OLFM2: variants seen among roughly 807,000 people sequenced by gnomAD.
The protein encoded by OLFM2 is noelin-2.
OLFM2 carries 20 observed loss-of-function variants against 43.9 expected under a neutral mutation model. The observed-to-expected ratio is 0.46, with a 90% confidence interval of 0.32 to 0.66. The LOEUF is 0.66. OLFM2 is among the 30% of genes least tolerant of loss of function. OLFM2 has a pLI of 0.04. For synonymous variants in OLFM2, 268 were observed against 278.6 expected, an observed-to-expected ratio of 0.96 and a Z score of 0.38; for missense variants, 416 against 643.6, an observed-to-expected ratio of 0.65 and a Z score of 3.83.
At chr19:9,926,670 G>A (rs1352415115) in intron 1 of OLFM2, among the ~76,000 whole-genome samples, 1 of 151,550 alleles carries the variant, frequency 6.6e-6, no homozygotes, top group African/African-American at 2.4e-5. Flanking sequence ...TCTTCTATGA[G>A]TCACTATTAC....
chr19:9,887,790 C>T (rs2145461685), intron 1 of OLFM2, among the ~76,000 whole-genome samples: 1 of 152,174 alleles, frequency 6.6e-6, no homozygotes, highest in Non-Finnish European at 1.5e-5. Context: ...CCTGTAATCC[C>T]AGTATTTTGA....
chr19:9,867,393 C>CA (rs533568978), intron 1 of OLFM2, among the ~76,000 whole-genome samples: 138 of 150,916 alleles, frequency 9.1e-4, no homozygotes, highest in Non-Finnish European at 1.5e-3. Context: ...ATAACAACAA[C>CA]AAAAAAAAAC....
At chr19:9,887,392 T>A (rs2046597125) in intron 1 of OLFM2, among the ~76,000 whole-genome samples, 1 of 152,090 alleles carries the variant, frequency 6.6e-6, no homozygotes, top group Admixed American at 6.5e-5. Flanking sequence ...TTGGCCAGGC[T>A]GGTCTCAAAC....
At chr19:9,889,437 A>G (rs1239253427) in intron 1 of OLFM2, among the ~76,000 whole-genome samples, 1 of 151,810 alleles carries the variant, frequency 6.6e-6, no homozygotes, top group Non-Finnish European at 1.5e-5. Flanking sequence ...TTTTGTAGAG[A>G]TAGGGTCTCA....
intron 1 of OLFM2, among the ~76,000 whole-genome samples, chr19:9,877,473 C>T (rs768883340): frequency 3.2e-4 from 48 of 151,684 alleles, no homozygotes; most frequent in Non-Finnish European, 6.0e-4. Context: ...GCGGAGGTTG[C>T]GGTGAGCCAA....
chr19:9,913,598 T>G, intron 1 of OLFM2: 1 of 1,305,002 alleles, frequency 7.7e-7, no homozygotes, highest in Non-Finnish European at 9.9e-7. Context: ...GGCCCCGATC[T>G]TGAGCAGCGG....
At chr19:9,895,062 C>G (rs959916305) in intron 1 of OLFM2, among the ~76,000 whole-genome samples, 1 of 152,126 alleles carries the variant, frequency 6.6e-6, no homozygotes, top group African/African-American at 2.4e-5. Flanking sequence ...GGGTCAGACA[C>G]CCGGGCATTA....
chr19:9,901,488 G>A (rs549021878), intron 1 of OLFM2, among the ~76,000 whole-genome samples: 2 of 152,240 alleles, frequency 1.3e-5, no homozygotes, highest in South Asian at 4.1e-4. Flanking sequence ...TTGGTGTGGT[G>A]AGCAGGGCTG....
chr19:9,918,545 C>T (rs1298294016), intron 1 of OLFM2, among the ~76,000 whole-genome samples: 1 of 152,150 alleles, frequency 6.6e-6, no homozygotes, highest in Non-Finnish European at 1.5e-5. Context: ...GAAACCAAAG[C>T]ATATGTCTAT....
chr19:9,889,920 A>T (rs1183026133), intron 1 of OLFM2, among the ~76,000 whole-genome samples: 1 of 147,730 alleles, frequency 6.8e-6, no homozygotes, highest in African/African-American at 2.5e-5. Context: ...ATAAATTCCA[A>T]TTTTTTTTTT....
intron 1 of OLFM2, among the ~76,000 whole-genome samples, chr19:9,879,352 C>T (rs902212455): frequency 6.7e-6 from 1 of 149,488 alleles, no homozygotes; most frequent in Non-Finnish European, 1.5e-5. Context: ...GGGTGGTCAC[C>T]AACTCCCAAT....
At chr19:9,922,814 G>A (rs1320498905) in intron 1 of OLFM2, among the ~76,000 whole-genome samples, 1 of 151,762 alleles carries the variant, frequency 6.6e-6, no homozygotes, top group Non-Finnish European at 1.5e-5. Flanking sequence ...GAGAGGCTGA[G>A]GTGGGAGGAT....
chr19:9,921,616 G>C (rs1317364465), intron 1 of OLFM2, among the ~76,000 whole-genome samples: 1 of 151,732 alleles, frequency 6.6e-6, no homozygotes, highest in Non-Finnish European at 1.5e-5. Context: ...GGCCTCCCAA[G>C]TAGCTGGGAC....
chr19:9,853,891 G>C lies in OLFM2; in HGVS notation c.*295C>G. On this transcript the variant is annotated 3_prime_UTR_variant, in exon 6 of 6. Transcript: ENST00000264833. ...GTGGAAGGACAGAGAGAGAGAGACA[G>C]AGAGAGGCAGAGACGGAAAGAACTG... is the stretch of plus-strand genomic sequence containing the variant. 1 of 564,038 alleles carries C rather than the reference G, an allele frequency of 1.8e-6. No individual in the cohort carries two copies. Among genetic ancestry groups the C allele is most frequent in the Admixed American group, 3.5e-5 (1 of 28,474 alleles). The allele number at this position is 564,038 out of a possible 1,614,324, so 34.9% of individuals were successfully genotyped here. A position where few individuals can be genotyped will look rare whatever the true frequency, so the allele number is the denominator to read the frequency against.
chr19:9,931,462 G>C (rs1302639571), intron 1 of OLFM2, among the ~76,000 whole-genome samples: 1 of 152,128 alleles, frequency 6.6e-6, no homozygotes, highest in African/African-American at 2.4e-5. Context: ...CAGCAGTTTA[G>C]GAGGCCGAGG....
chr19:9,903,890 C>T lies in OLFM2; in HGVS notation c.63+32414G>A, dbSNP rs547212567. Among the ~76,000 whole-genome samples the T allele has an allele frequency of 2.0e-5, 3 of 152,252 alleles. No individual in the cohort carries two copies. The East Asian group carries it at 5.8e-4, about 29-fold the overall frequency. ...TACTATCCTGGCATCACACTAAAGG[C>T]TACATCTACTTGTTATTCTACTGAA... On this transcript the variant is annotated intron_variant, in intron 1 of 5. Transcript: ENST00000264833.
chr19:9,932,195 C>T (rs1568390361), intron 1 of OLFM2, among the ~76,000 whole-genome samples: 1 of 149,822 alleles, frequency 6.7e-6, no homozygotes, highest in Non-Finnish European at 1.5e-5. Context: ...CGTGGTGGCT[C>T]ATGCCTATAA....
chr19:9,930,856 TATC>T (rs374973288), intron 1 of OLFM2, among the ~76,000 whole-genome samples: 10 of 151,588 alleles, frequency 6.6e-5, no homozygotes, highest in Non-Finnish European at 1.3e-4. Flanking sequence ...CTGTTTCAAA[TATC>T]ATCATCATCA....
chr19:9,915,367 G>A (rs1346692725), intron 1 of OLFM2, among the ~76,000 whole-genome samples: 2 of 151,374 alleles, frequency 1.3e-5, no homozygotes, highest in Non-Finnish European at 2.9e-5. Context: ...ATGAGCCTCC[G>A]GGTTGGATGT....
Sources: allele counts gnomAD v4.1 joint callset (sites outside exome capture counted in the v4.1 genomes callset), GRCh38; gene constraint gnomAD v4.1.1; transcripts MANE v1.5; gene names NCBI Gene and HGNC (gene_info 2026-07-23, HGNC 2026-07-21).